The following MGAT4C variants were observed in gnomAD, a reference collection of about 807,000 sequenced individuals.
MGAT4C encodes the protein MGAT4 family member C.
Under a neutral mutation model 40.1 loss-of-function variants are expected in MGAT4C, and 19 were observed. The ratio of observed to expected loss-of-function variants is 0.47; its 90% CI spans 0.33 to 0.70. The LOEUF (loss-of-function observed/expected upper bound fraction) is 0.70, where lower values mean the gene tolerates loss of function less well. Ranked by LOEUF, MGAT4C falls within the 30% of genes least tolerant of loss-of-function variation. The probability of loss-of-function intolerance (pLI) is 0.02; values close to 1 mark genes in which losing one functional copy is unlikely to be tolerated. For missense variants in MGAT4C, 491 were observed against 563.2 expected (o/e 0.87, Z 1.30); for synonymous variants, 181 against 187.1 (o/e 0.97, Z 0.27).
intron 1 of MGAT4C, among the ~76,000 whole-genome samples, chr12:86,728,049 A>C (rs1181148838): frequency 6.6e-6 from 1 of 152,206 alleles, no homozygotes; most frequent in Non-Finnish European, 1.5e-5. Flanking sequence ...TTTATTGATA[A>C]ATAAGTTTTA....
intron 3 of MGAT4C, among the ~76,000 whole-genome samples, chr12:86,349,818 C>T (rs12582690): frequency 0.2 from 29,765 of 151,918 alleles, 3,446 homozygotes; most frequent in East Asian, 0.34. Flanking sequence ...TCATTTGTTA[C>T]GAATTATCTG....
intron 2 of MGAT4C, among the ~76,000 whole-genome samples, chr12:86,448,627 T>A (rs931149183): frequency 3.9e-5 from 6 of 152,192 alleles, no homozygotes; most frequent in African/African-American, 1.4e-4. Flanking sequence ...GGGTGCTCAA[T>A]GAATTATTTT....
chr12:86,036,530 G>C (rs1891254990), intron 2 of MGAT4C, among the ~76,000 whole-genome samples: 1 of 149,810 alleles, frequency 6.7e-6, no homozygotes, highest in African/African-American at 2.4e-5. Context: ...TTTGATGAAG[G>C]CTTTTCCTCA....
chr12:86,302,235 G>A (rs1953830474), intron 4 of MGAT4C, among the ~76,000 whole-genome samples: 1 of 150,764 alleles, frequency 6.6e-6, no homozygotes, highest in Non-Finnish European at 1.5e-5. Flanking sequence ...ATAAATCGAA[G>A]CCTTGAAACA....
In MGAT4C at chr12:85,970,143, C is replaced by G. The variant is rs532967826; in HGVS notation, c.*9146G>C. ...TTAATATAATTTAGCTACATAATTC[C>G]TAAGGAAATATTAATTCATAAAGAT... is the stretch of plus-strand genomic sequence containing the variant. On this transcript the variant is annotated 3_prime_UTR_variant, in exon 5 of 5. Coordinates refer to ENST00000611864, the MANE Select transcript of MGAT4C (RefSeq NM_001351288.2). The G allele has an allele frequency of 1.3e-5, 2 of 151,176 alleles. No individual in the cohort carries two copies. Among genetic ancestry groups the G allele is most frequent in the African/African-American group, 4.8e-5 (2 of 41,410 alleles). 9.4% of individuals were successfully genotyped at this position (151,176 alleles called of 1,614,324 possible).
In MGAT4C at chr12:86,109,820, A is replaced by G. The variant is rs184211484; in HGVS notation, c.-56-60097T>C. On this transcript the variant is annotated intron_variant, in intron 1 of 4. Transcript: ENST00000611864. ...ACACTTGTGGTGGATGCATATGTAA[A>G]AAAAGTGACCACACTGAGTTAATCC... is the stretch of plus-strand genomic sequence containing the variant. 5.1e-3 allele frequency among the ~76,000 whole-genome samples: 769 copies of G among 152,120 alleles called. 4 individuals are homozygous for G. Among genetic ancestry groups the G allele is most frequent in the Middle Eastern group, 0.01 (3 of 294 alleles).
chr12:86,192,754 T>C (rs1454400821), intron 1 of MGAT4C, among the ~76,000 whole-genome samples: 2 of 152,252 alleles, frequency 1.3e-5, no homozygotes, highest in Admixed American at 1.3e-4. Context: ...TTGTCGTTTT[T>C]CTATCAACAA....
intron 3 of MGAT4C, among the ~76,000 whole-genome samples, chr12:86,346,385 C>T (rs1214666310): frequency 5.9e-5 from 9 of 151,928 alleles, no homozygotes; most frequent in Non-Finnish European, 7.4e-5. Context: ...CCACCATGCC[C>T]GACTAATTTT....
At chr12:86,147,191 A>T (rs1883634086) in intron 1 of MGAT4C, among the ~76,000 whole-genome samples, 1 of 152,210 alleles carries the variant, frequency 6.6e-6, no homozygotes, top group Non-Finnish European at 1.5e-5. Context: ...TGAGTTTTCT[A>T]AGACTAGATG....
At chr12:86,120,959 G>A (rs181662545) in intron 1 of MGAT4C, among the ~76,000 whole-genome samples, 53 of 152,284 alleles carry the variant, frequency 3.5e-4, no homozygotes, top group Non-Finnish European at 6.3e-4. Flanking sequence ...GCTAAAGGAG[G>A]ATGTTTGAAC....
chr12:85,998,857 C>T (rs1424381813), intron 2 of MGAT4C, among the ~76,000 whole-genome samples: 12 of 152,104 alleles, frequency 7.9e-5, no homozygotes, highest in Non-Finnish European at 5.9e-5. Flanking sequence ...TGCCTGTTAC[C>T]CATTTCCAAA....
At chr12:86,757,112 A>C (rs566975398) in intron 1 of MGAT4C, among the ~76,000 whole-genome samples, 1 of 152,108 alleles carries the variant, frequency 6.6e-6, no homozygotes, top group African/African-American at 2.4e-5. Flanking sequence ...AAACTATCAT[A>C]AGAACAGAAA....
chr12:86,612,739 C>CAAAA (rs767088175), intron 2 of MGAT4C, among the ~76,000 whole-genome samples: 1 of 58,718 alleles, frequency 1.7e-5, no homozygotes. Flanking sequence ...GACTCTGTCT[C>CAAAA]AAAAAAAAAA....
chr12:86,126,200 T>C (rs1880226816), intron 1 of MGAT4C, among the ~76,000 whole-genome samples: 1 of 151,970 alleles, frequency 6.6e-6, no homozygotes, highest in African/African-American at 2.4e-5. Flanking sequence ...ACTGTAGTAT[T>C]AATATTTAAT....
intron 3 of MGAT4C, among the ~76,000 whole-genome samples, chr12:86,385,300 T>G (rs1287725760): frequency 1.3e-5 from 2 of 152,200 alleles, no homozygotes; most frequent in African/African-American, 4.8e-5. Flanking sequence ...TGGGCCTTTT[T>G]CATACTAGAA....
intron 1 of MGAT4C, among the ~76,000 whole-genome samples, chr12:86,147,019 G>A (rs1883611463): frequency 6.6e-6 from 1 of 152,034 alleles, no homozygotes; most frequent in African/African-American, 2.4e-5. Flanking sequence ...AACATTGGAT[G>A]GATTCTTTCT....
chr12:86,131,022 T>C (rs949161797), intron 1 of MGAT4C, among the ~76,000 whole-genome samples: 1 of 152,056 alleles, frequency 6.6e-6, no homozygotes, highest in Admixed American at 6.5e-5. Context: ...CATACTTTGT[T>C]AGTTCATCAG....
intron 1 of MGAT4C, among the ~76,000 whole-genome samples, chr12:86,188,121 T>C (rs1373132946): frequency 6.6e-6 from 1 of 152,064 alleles, no homozygotes; most frequent in Non-Finnish European, 1.5e-5. Context: ...GCTCAAGTTA[T>C]ACTAGAAAAG....
intron 1 of MGAT4C, among the ~76,000 whole-genome samples, chr12:86,756,834 C>T (rs1290417021): frequency 6.6e-6 from 1 of 152,032 alleles, no homozygotes; most frequent in African/African-American, 2.4e-5. Flanking sequence ...ACTGACTTTG[C>T]CCTCAAAACC....
Sources: gnomAD v4.1 joint callset for allele counts (sites outside exome capture counted in the v4.1 genomes callset) on GRCh38, gnomAD v4.1.1 for gene constraint, MANE v1.5 for transcripts, NCBI Gene and HGNC (gene_info 2026-07-23, HGNC 2026-07-21) for gene names.